Variants in TMEM74 observed in about 807,000 individuals in gnomAD.
TMEM74 encodes the protein transmembrane protein 74.
Under a neutral mutation model 18.1 loss-of-function variants are expected in TMEM74, and 13 were observed. That is an observed-to-expected ratio of 0.72 (90% confidence interval 0.47 to 1.14). The LOEUF is 1.14. Ranked by LOEUF, TMEM74 falls within the 50% of genes most tolerant of loss-of-function variation. TMEM74 has a pLI of 0.00. For synonymous variants in TMEM74, 159 were observed against 146.6 expected (o/e 1.08, Z -0.61); for missense variants, 372 against 375.9 (o/e 0.99, Z 0.09).
At chr8:108,763,191 A>T (rs1814065067) in intron 1 of TMEM74, among the ~76,000 whole-genome samples, 1 of 152,000 alleles carries the variant, frequency 6.6e-6, no homozygotes, top group South Asian at 2.1e-4. Context: ...TCAGGAAACC[A>T]ACCCTTTTCC....
At chr8:108,652,913 G>A (rs1436397811) in intron 2 of TMEM74, 1 of 404,002 alleles carries the variant, frequency 2.5e-6, no homozygotes, top group Non-Finnish European at 4.8e-6. Context: ...AGTGCCCTGT[G>A]TGAAGAGCGA....
chr8:108,617,106 T>C (rs1007264784), intron 2 of TMEM74, among the ~76,000 whole-genome samples: 2 of 151,860 alleles, frequency 1.3e-5, no homozygotes, highest in African/African-American at 4.8e-5. Context: ...TGTCACCTGA[T>C]CACTGAAAGA....
chr8:108,718,366 A>G (rs1309720845), intron 1 of TMEM74, among the ~76,000 whole-genome samples: 1 of 152,226 alleles, frequency 6.6e-6, no homozygotes, highest in Non-Finnish European at 1.5e-5. Flanking sequence ...TTGATACAGC[A>G]TATGGATATA....
intron 1 of TMEM74, among the ~76,000 whole-genome samples, chr8:108,684,192 G>A (rs1813145424): frequency 1.3e-5 from 2 of 152,038 alleles, no homozygotes; most frequent in South Asian, 4.1e-4. Context: ...GGTCCTTATA[G>A]TGGCTGCACT....
chr8:108,746,405 TG>T (rs1294115007), intron 1 of TMEM74, among the ~76,000 whole-genome samples: 1 of 152,138 alleles, frequency 6.6e-6, no homozygotes, highest in Non-Finnish European at 1.5e-5. Context: ...CCTCTCACAC[TG>T]AGCTGTGATT....
At chr8:108,749,842 A>G (rs113010180) in intron 1 of TMEM74, among the ~76,000 whole-genome samples, 4,854 of 152,180 alleles carry the variant, frequency 0.032, 248 homozygotes, top group African/African-American at 0.11. Context: ...TATTAGAAAA[A>G]TGATGTCAGA....
chr8:108,689,106 ACAC>A (rs1284745151), intron 1 of TMEM74, among the ~76,000 whole-genome samples: 2 of 152,178 alleles, frequency 1.3e-5, no homozygotes, highest in African/African-American at 4.8e-5. Flanking sequence ...TCTTCCCAGA[ACAC>A]TGTAAATTTG....
chr8:108,747,806 A>T (rs186211896), intron 1 of TMEM74, among the ~76,000 whole-genome samples: 1 of 151,588 alleles, frequency 6.6e-6, no homozygotes, highest in East Asian at 2.0e-4. Flanking sequence ...AAGTGAGAAC[A>T]TGCAGTATTT....
chr8:108,618,330 T>C (rs1280135651), intron 2 of TMEM74, among the ~76,000 whole-genome samples: 1 of 152,164 alleles, frequency 6.6e-6, no homozygotes, highest in African/African-American at 2.4e-5. Flanking sequence ...TGTGTATATT[T>C]TGATGAGTAT....
chr8:108,729,918 A>G (rs900249074), intron 1 of TMEM74, among the ~76,000 whole-genome samples: 22 of 152,210 alleles, frequency 1.4e-4, no homozygotes, highest in Non-Finnish European at 2.9e-4. Context: ...TAGTGGACAA[A>G]TAAGTTAGAA....
At chr8:108,648,299 C>G (rs558092919) in intron 2 of TMEM74, among the ~76,000 whole-genome samples, 12 of 152,160 alleles carry the variant, frequency 7.9e-5, no homozygotes, top group Admixed American at 3.9e-4. Context: ...CCTGAGACCA[C>G]TATGTTTTTA....
intron 1 of TMEM74, among the ~76,000 whole-genome samples, chr8:108,763,023 A>C (rs1727174406): frequency 1.3e-5 from 2 of 152,140 alleles, no homozygotes; most frequent in African/African-American, 4.8e-5. Flanking sequence ...AAGCACACAT[A>C]AGAATAAATT....
intron 2 of TMEM74, among the ~76,000 whole-genome samples, chr8:108,624,468 C>A (rs1812473676): frequency 6.6e-6 from 1 of 152,046 alleles, no homozygotes; most frequent in Admixed American, 6.6e-5. Context: ...TAGAACACCT[C>A]AAGAGAAAGT....
chr8:108,687,273 A>T (rs1031908224), intron 1 of TMEM74, among the ~76,000 whole-genome samples: 2 of 152,176 alleles, frequency 1.3e-5, no homozygotes, highest in East Asian at 3.9e-4. Flanking sequence ...AAAGCCATTA[A>T]AAATGAATGA....
intron 1 of TMEM74, among the ~76,000 whole-genome samples, chr8:108,668,389 T>C (rs1331650524): frequency 6.6e-6 from 1 of 152,224 alleles, no homozygotes. Context: ...AGTTATTGTA[T>C]TAATAATAGT....
At chr8:108,699,984 G>A (rs1023765916) in intron 1 of TMEM74, among the ~76,000 whole-genome samples, 11 of 152,070 alleles carry the variant, frequency 7.2e-5, no homozygotes, top group Admixed American at 6.6e-4. Context: ...TCAATTGAAA[G>A]CAAGACCATT....
At chr8:108,683,519 C>T (rs191647977) in intron 1 of TMEM74, among the ~76,000 whole-genome samples, 6 of 151,718 alleles carry the variant, frequency 4.0e-5, no homozygotes. Context: ...AATTAGAGAC[C>T]ATTATACAAT....
chr8:108,719,944 AT>A (rs1294422138), intron 1 of TMEM74, among the ~76,000 whole-genome samples: 1 of 152,192 alleles, frequency 6.6e-6, no homozygotes, highest in Non-Finnish European at 1.5e-5. Context: ...TATTTAAAGT[AT>A]ATTTTTAAAA....
intron 2 of TMEM74, among the ~76,000 whole-genome samples, chr8:108,612,384 C>A (rs562682835): frequency 1.3e-5 from 2 of 152,024 alleles, no homozygotes; most frequent in South Asian, 4.2e-4. Flanking sequence ...ATAAGAATAA[C>A]AAATGGTGAT....
Sources: allele counts gnomAD v4.1 joint callset (sites outside exome capture counted in the v4.1 genomes callset), GRCh38; gene constraint gnomAD v4.1.1; transcripts MANE v1.5; gene names NCBI Gene and HGNC (gene_info 2026-07-23, HGNC 2026-07-21).